SH2D3C: variants seen among roughly 807,000 people sequenced by gnomAD.
The protein encoded by SH2D3C is SH2 domain-containing protein 3C.
SH2D3C carries 25 observed loss-of-function variants against 75.2 expected under a neutral mutation model. That is an observed-to-expected ratio of 0.33 (90% CI 0.24 to 0.46). The LOEUF (loss-of-function observed/expected upper bound fraction) is 0.46, where lower values mean the gene tolerates loss of function less well. Among genes scored for constraint, SH2D3C ranks in the 20% least tolerant of loss-of-function variants. The pLI is 1.00. For synonymous variants in SH2D3C, 450 were observed against 473.7 expected, an observed-to-expected ratio of 0.95 and a Z score of 0.65; for missense variants, 933 against 1,165.3, an observed-to-expected ratio of 0.80 and a Z score of 2.90.
intron 7 of SH2D3C, 114 bp downstream of exon 7, chr9:127,744,450 A>G: frequency 7.7e-7 from 1 of 1,297,964 alleles, no homozygotes; most frequent in Non-Finnish European, 1.1e-6. Context: ...ACAGCCATGG[A>G]GCTAGAATCC....
At position 127,744,733 on chromosome 9, in the gene SH2D3C, A is replaced by T; in HGVS notation, c.1631T>A (p.Val544Asp). 6.2e-7 allele frequency: 1 copy of T among 1,614,190 alleles called. No individual in the cohort carries two copies. Among genetic ancestry groups the T allele is most frequent in the South Asian group, 1.1e-5 (1 of 91,086 alleles). ...PEGDWGKTFT[V>D]PIVEVTSSFN... The stretch of plus-strand genomic sequence containing the variant: ...GGAAGAAGTGACTTCCACGATGGGG[A>T]CTGTGAAGGTCTTGCCCCAGTCCCC... Residue 544 changes from valine (V) to aspartate (D), a missense_variant, in exon 7 of 12, where the codon GTC becomes GAC. By Grantham distance (152) the Val-to-Asp change is radical. Transcript: ENST00000314830.
In SH2D3C at chr9:127,749,705, G is replaced by A. The variant is rs372643405; in HGVS notation, c.685-40C>T. On this transcript the variant is annotated intron_variant, in intron 4 of 11. Coordinates refer to ENST00000314830, the MANE Select transcript of SH2D3C (RefSeq NM_170600.3). This position sits in a 1 kb window ranked among gnomAD's most constrained non-coding sequence, Gnocchi z 5.9. ...GTTAGGCTGGAGTAGGGTGGGGCCA[G>A]GAGAGGGTCAGACCCAGGATCTGGG... is the stretch of plus-strand genomic sequence containing the variant. 1.5e-6 allele frequency: 2 copies of A among 1,356,584 alleles called. No homozygotes were observed. The highest frequency in any genetic ancestry group is 2.0e-6 in the Non-Finnish European group (2 of 983,650). The allele number at this position is 1,356,584 out of a possible 1,614,324, so 84.0% of individuals were successfully genotyped here. A position where few individuals can be genotyped will look rare whatever the true frequency, so the allele number is the denominator to read the frequency against.
chr9:127,776,356 T>A (rs914733528), intron 1 of SH2D3C, among the ~76,000 whole-genome samples: 2 of 149,832 alleles, frequency 1.3e-5, no homozygotes, highest in African/African-American at 5.0e-5. Context: ...CCAGCCTCTG[T>A]GCACCTGGGG....
intron 2 of SH2D3C, chr9:127,771,265 C>T (rs1240292983): frequency 6.5e-7 from 1 of 1,534,310 alleles, no homozygotes; most frequent in South Asian, 1.2e-5. Flanking sequence ...ACCCGGGGAC[C>T]TCCTAAACCC....
Position 127,749,198 on chromosome 9 carries a change from G to A in SH2D3C, c.1139+13C>T. 6.5e-7 allele frequency: 1 copy of A among 1,537,024 alleles called. No homozygotes were observed. Among genetic ancestry groups the A allele is most frequent in the Non-Finnish European group, 8.8e-7 (1 of 1,140,154 alleles). ...ACCCACAACCCCATTTGACAAATGG[G>A]GCCCTGGCTGACCTGGTGGGGCAGC... On this transcript the variant is annotated intron_variant, in intron 5 of 11. Coordinates refer to ENST00000314830, the MANE Select transcript of SH2D3C (RefSeq NM_170600.3). The surrounding 1 kb of genome is among the most constrained non-coding windows in gnomAD (Gnocchi z 5.9).
chr9:127,765,726 C>G (rs1035082278), intron 2 of SH2D3C, among the ~76,000 whole-genome samples: 1 of 152,198 alleles, frequency 6.6e-6, no homozygotes, highest in Non-Finnish European at 1.5e-5. Context: ...CTAGAAAACT[C>G]TCCCTCCCAT....
At chr9:127,740,506 G>A in intron 9 of SH2D3C, 137 bp from the exon 10 acceptor site, 1 of 613,934 alleles carries the variant, frequency 1.6e-6, no homozygotes. Context: ...GGACAGTGAT[G>A]ACTACTTTTC....
In SH2D3C at chr9:127,739,827, C is replaced by T. The variant is rs920707728; in HGVS notation, c.2262G>A (p.Glu754=). The T allele has an allele frequency of 7.6e-6, 12 of 1,582,656 alleles. No homozygotes were observed. The highest frequency in any genetic ancestry group is 8.6e-6 in the Non-Finnish European group (10 of 1,163,810). Residue 754 remains glutamate (E), a synonymous_variant, in exon 11 of 12, where the codon GAG becomes GAA. Transcript: ENST00000314830. This position sits in a 1 kb window ranked among gnomAD's most constrained non-coding sequence, Gnocchi z 4.3. ...GGCCCTCTGGTGGGGCCGAGTCACA[C>T]TCCAGCAGGGTGATGAGGGGCAGCA... ...PHVLPLITLL[E]CDSAPPEGPE... is the part of the protein sequence containing the mutation.
At chr9:127,752,697 A>T (rs1028642627) in intron 3 of SH2D3C, among the ~76,000 whole-genome samples, 1 of 152,164 alleles carries the variant, frequency 6.6e-6, no homozygotes, top group Non-Finnish European at 1.5e-5. Context: ...CCAGTGTCAG[A>T]GATATCTAGA....
chr9:127,757,103 A>ATTT (rs1169901282), intron 3 of SH2D3C, among the ~76,000 whole-genome samples: 7 of 122,666 alleles, frequency 5.7e-5, no homozygotes, highest in Non-Finnish European at 8.8e-5. Flanking sequence ...TGCTTGGCTA[A>ATTT]TTTTTTTTTT....
intron 1 of SH2D3C, among the ~76,000 whole-genome samples, chr9:127,776,472 T>C (rs1055007551): frequency 7.2e-5 from 11 of 152,284 alleles, no homozygotes; most frequent in African/African-American, 2.4e-4. Context: ...GAGGAACGGC[T>C]GGGGTGATAC....
Position 127,751,301 on chromosome 9 carries a change from C to A in SH2D3C, c.556-1G>T, listed in dbSNP as rs759132807. The stretch of plus-strand genomic sequence containing the variant: ...CCAGGATGTACTTCTCCTTGGAGAA[C>A]TGGGTAGAAAACAGCAAGAGTTGGC... On this transcript the variant is annotated splice_acceptor_variant, in intron 3 of 11. Coordinates refer to ENST00000314830, the MANE Select transcript of SH2D3C (RefSeq NM_170600.3). LOFTEE classifies it high-confidence loss of function. The surrounding 1 kb of genome is among the most constrained non-coding windows in gnomAD (Gnocchi z 4.1). The A allele has an allele frequency of 2.5e-6, 4 of 1,613,618 alleles. No homozygotes were observed. Among genetic ancestry groups the A allele is most frequent in the South Asian group, 1.1e-5 (1 of 91,074 alleles).
At chr9:127,756,873 C>T (rs1447280290) in intron 3 of SH2D3C, among the ~76,000 whole-genome samples, 2 of 151,936 alleles carry the variant, frequency 1.3e-5, no homozygotes, top group East Asian at 3.9e-4. Flanking sequence ...ACCTCGTGAT[C>T]CGCCCACCTC....
rs536250005 is a variant in SH2D3C, at chr9:127,767,171, C to T, written c.516-5521G>A. 2.3e-4 allele frequency: 360 copies of T among 1,534,648 alleles called. 1 individual carries two copies. The African/African-American group carries it at 4.2e-3, about 18-fold the overall frequency. On this transcript the variant is annotated intron_variant, in intron 2 of 11. Transcript: ENST00000314830. ...TGCAGTGTCCAGCAGGAGCTCAGGA[C>T]GGGCGACAGCCTTGTGAGGAGAAGG... is the stretch of plus-strand genomic sequence containing the variant.
At chr9:127,761,991 C>T in intron 2 of SH2D3C, 1 of 305,852 alleles carries the variant, frequency 3.3e-6, no homozygotes, top group Non-Finnish European at 6.1e-6. Flanking sequence ...CACTGGACTC[C>T]AGACACCACG....
intron 8 of SH2D3C, among the ~76,000 whole-genome samples, chr9:127,742,200 C>T (rs1307958736): frequency 6.6e-6 from 1 of 152,152 alleles, no homozygotes; most frequent in African/African-American, 2.4e-5. Context: ...AAATGCATCA[C>T]GCAGAGTAGT....
intron 2 of SH2D3C, 39 bp downstream of exon 2, chr9:127,773,951 G>T: frequency 8.6e-7 from 1 of 1,158,194 alleles, no homozygotes; most frequent in Non-Finnish European, 1.3e-6. Context: ...AAAAACAGAA[G>T]CCATCCCTGC....
intron 2 of SH2D3C, among the ~76,000 whole-genome samples, chr9:127,770,441 C>G (rs148474785): frequency 6.6e-6 from 1 of 152,330 alleles, no homozygotes; most frequent in East Asian, 1.9e-4. Flanking sequence ...TCAGGCCCAT[C>G]TGGGCTACTG....
chr9:127,768,031 C>A (rs1845667617), intron 2 of SH2D3C, among the ~76,000 whole-genome samples: 1 of 152,168 alleles, frequency 6.6e-6, no homozygotes, highest in African/African-American at 2.4e-5. Flanking sequence ...TTCCCACAGC[C>A]CAAGGCGTCC....
Sources: gnomAD v4.1 joint callset for allele counts (sites outside exome capture counted in the v4.1 genomes callset) on GRCh38, gnomAD v4.1.1 for gene constraint, Gnocchi (gnomAD v3.1) non-coding constraint, MANE v1.5 for transcripts, NCBI Gene and HGNC (gene_info 2026-07-23, HGNC 2026-07-21) for gene names.